The following RMDN1 variants were observed in gnomAD, a reference collection of about 807,000 sequenced individuals.
RMDN1 encodes regulator of microtubule dynamics 1.
Under a neutral mutation model 48.9 loss-of-function variants are expected in RMDN1, and 48 were observed. The ratio of observed to expected loss-of-function variants is 0.98; its 90% CI spans 0.78 to 1.25. The LOEUF is 1.25. Among genes scored for constraint, RMDN1 ranks in the 50% most tolerant of loss-of-function variants. The pLI is 0.00. For synonymous variants in RMDN1, 148 were observed against 132.6 expected (o/e 1.12, Z -0.80); for missense variants, 418 against 373.4 (o/e 1.12, Z -0.98).
In RMDN1 at chr8:86,473,471, T is replaced by C. The variant is rs1344613294; in HGVS notation, c.*837A>G. On this transcript the variant is annotated 3_prime_UTR_variant, in exon 10 of 10. Transcript: ENST00000406452. ...CAGTTTACCATGAGACTACACCACA[T>C]TTAAAGTAAACTGGCCAGGTGCGGT... 2.0e-6 allele frequency: 2 copies of C among 985,304 alleles called. No homozygotes were observed. The highest frequency in any genetic ancestry group is 1.2e-6 in the Non-Finnish European group (1 of 829,932). The allele number at this position is 985,304 out of a possible 1,614,324, so 61.0% of individuals were successfully genotyped here.
chr8:86,509,800 C>A (rs181466529), upstream of RMDN1, among the ~76,000 whole-genome samples: 448 of 152,226 alleles, frequency 2.9e-3, no homozygotes, highest in Non-Finnish European at 4.7e-3. Flanking sequence ...ATTAAATCAG[C>A]TGTATTTCTT....
chr8:86,486,246 T>C (rs62510801), intron 4 of RMDN1, among the ~76,000 whole-genome samples: 19,427 of 152,214 alleles, frequency 0.13, 1,727 homozygotes, highest in Middle Eastern at 0.21. Flanking sequence ...ATCAAATACA[T>C]ATGAAGTTAG....
chr8:86,482,671 G>C, intron 5 of RMDN1: 1 of 858,234 alleles, frequency 1.2e-6, no homozygotes, highest in Non-Finnish European at 2.0e-6. Flanking sequence ...GTCGGAAAAA[G>C]ACTTTATGGA....
At chr8:86,470,121 A>C, downstream of RMDN1, 1 of 1,258,450 alleles carries the variant, frequency 7.9e-7, no homozygotes, top group Non-Finnish European at 1.0e-6. Flanking sequence ...TCAGTATTCT[A>C]CTCATATCCT....
Position 86,508,685 on chromosome 8 carries a change from G to C in RMDN1, c.-65C>G. 3 of 1,462,502 alleles carry C rather than the reference G, an allele frequency of 2.1e-6. No individual in the cohort carries two copies. Among genetic ancestry groups the C allele is most frequent in the Non-Finnish European group, 2.7e-6 (3 of 1,113,332 alleles). 90.6% of individuals were successfully genotyped at this position (1,462,502 alleles called of 1,614,324 possible). ...AGCTACGGAGGCGGGCGGGGCTAAAGGAGATTCAATCCTTCCGGAAAGAAC... is the reference window on the plus strand; with the variant it reads ...AGCTACGGAGGCGGGCGGGGCTAAACGAGATTCAATCCTTCCGGAAAGAAC... On this transcript the variant is annotated 5_prime_UTR_variant, in exon 1 of 10. Transcript: ENST00000406452.
At chr8:86,481,913 C>G (rs1814537768) in intron 5 of RMDN1, 1 of 784,780 alleles carries the variant, frequency 1.3e-6, no homozygotes. Context: ...GTGGCTCGGC[C>G]AGACACGAAG....
chr8:86,504,214 T>A, intron 2 of RMDN1: 1 of 1,552,560 alleles, frequency 6.4e-7, no homozygotes, highest in Non-Finnish European at 8.9e-7. Flanking sequence ...AAGTCCCAGG[T>A]TTTTGCTCAT....
chr8:86,493,623 C>T (rs1816860946), intron 2 of RMDN1, among the ~76,000 whole-genome samples: 1 of 152,124 alleles, frequency 6.6e-6, no homozygotes, highest in Non-Finnish European at 1.5e-5. Flanking sequence ...TTGAACATCT[C>T]TAATCTGAAA....
At chr8:86,500,116 G>A (rs1817972725) in intron 2 of RMDN1, among the ~76,000 whole-genome samples, 1 of 152,092 alleles carries the variant, frequency 6.6e-6, no homozygotes, top group Admixed American at 6.6e-5. Flanking sequence ...CTGGACATAG[G>A]CCCTGGCAAA....
chr8:86,486,794 TTTTC>T lies in RMDN1; in HGVS notation c.336-155_336-152del, dbSNP rs1177503425. On this transcript the variant is annotated intron_variant, in intron 3 of 9. Coordinates refer to ENST00000406452, the MANE Select transcript of RMDN1 (RefSeq NM_016033.3). ...ATTAGTAATAATGCTAAATTTATTA[TTTTC>T]TTTAATATAAAACCTTTACTTGCTA... 3.8e-5 allele frequency: 19 copies of T among 496,206 alleles called. No individual in the cohort carries two copies. In the Middle Eastern group the frequency reaches 1.4e-3, roughly 38 times the overall value. 30.7% of individuals were successfully genotyped at this position (496,206 alleles called of 1,614,324 possible).
chr8:86,496,630 C>T (rs1003361177), intron 2 of RMDN1, among the ~76,000 whole-genome samples: 7 of 152,098 alleles, frequency 4.6e-5, no homozygotes, highest in Admixed American at 1.3e-4. Context: ...TTGGAGCACG[C>T]GGATTAATAA....
At chr8:86,508,733 A>T, upstream of RMDN1, 1 of 1,404,248 alleles carries the variant, frequency 7.1e-7, no homozygotes, top group Non-Finnish European at 9.2e-7. Flanking sequence ...CCTCCTGCAC[A>T]GCACCTCTTC....
chr8:86,500,555 G>A (rs1224288018), intron 2 of RMDN1, among the ~76,000 whole-genome samples: 1 of 151,480 alleles, frequency 6.6e-6, no homozygotes, highest in Non-Finnish European at 1.5e-5. Flanking sequence ...TGCTGGTGAG[G>A]TTGTGGAGAA....
intron 8 of RMDN1, 29 bp downstream of exon 8, chr8:86,477,265 A>G (rs1379348937): frequency 6.5e-7 from 1 of 1,534,962 alleles, no homozygotes; most frequent in Non-Finnish European, 8.9e-7. Flanking sequence ...TTTTAACTAT[A>G]TTAATATGTG....
chr8:86,493,004 TA>T (rs571031080), intron 2 of RMDN1, among the ~76,000 whole-genome samples: 4,294 of 141,810 alleles, frequency 0.03, 158 homozygotes, highest in African/African-American at 0.093. Context: ...ATCAATTCCT[TA>T]AAAAAAAAAA....
upstream of RMDN1, among the ~76,000 whole-genome samples, chr8:86,510,829 C>T (rs150991333): frequency 9.8e-3 from 1,497 of 152,176 alleles, 27 homozygotes; most frequent in African/African-American, 0.034. Flanking sequence ...GTTTGATAAC[C>T]TTAAGAATAT....
At chr8:86,490,359 A>C (rs546465566) in intron 2 of RMDN1, among the ~76,000 whole-genome samples, 7 of 152,254 alleles carry the variant, frequency 4.6e-5, no homozygotes, top group Non-Finnish European at 1.0e-4. Flanking sequence ...GGTAGGCCCA[A>C]TATAATTACA....
At position 86,477,333 on chromosome 8, in the gene RMDN1, A is replaced by G; in HGVS notation, c.730-9T>C. On this transcript the variant is annotated splice_polypyrimidine_tract_variant and intron_variant, in intron 7 of 9. Transcript: ENST00000406452. ...TGAAAGTAGCCTAAGGCCTGTCAAA[A>G]ACACAAAGAGCCCAAACATAATAAA... 1 of 1,595,102 alleles carries G rather than the reference A, an allele frequency of 6.3e-7. No homozygotes were observed. Among genetic ancestry groups the G allele is most frequent in the South Asian group, 1.1e-5 (1 of 87,420 alleles).
intron 6 of RMDN1, among the ~76,000 whole-genome samples, 189 bp downstream of exon 6, chr8:86,480,088 G>T (rs1227509557): frequency 6.6e-6 from 1 of 151,922 alleles, no homozygotes; most frequent in African/African-American, 2.4e-5. Flanking sequence ...GTTTAACATG[G>T]TCATAATCAA....
Sources: allele counts gnomAD v4.1 joint callset (sites outside exome capture counted in the v4.1 genomes callset), GRCh38; gene constraint gnomAD v4.1.1; transcripts MANE v1.5; gene names NCBI Gene and HGNC (gene_info 2026-07-23, HGNC 2026-07-21).